Variants in REEP6 observed in about 807,000 individuals in gnomAD.
The protein encoded by REEP6 is receptor accessory protein 6.
In REEP6, 19 loss-of-function variants were observed where a neutral mutation model predicts 22.4. The observed-to-expected ratio is 0.85, with a 90% CI of 0.59 to 1.25. The LOEUF (loss-of-function observed/expected upper bound fraction) is 1.25, where lower values mean the gene tolerates loss of function less well. REEP6 is among the 50% of genes most tolerant of loss of function. The pLI is 0.00. For synonymous variants in REEP6, 121 were observed against 113.6 expected, an observed-to-expected ratio of 1.06 and a Z score of -0.41; for missense variants, 273 against 251.9, an observed-to-expected ratio of 1.08 and a Z score of -0.57.
intron 1 of REEP6, among the ~76,000 whole-genome samples, chr19:1,492,283 T>G (rs2084964551): frequency 6.6e-6 from 1 of 151,774 alleles, no homozygotes; most frequent in East Asian, 1.9e-4. Flanking sequence ...CCCGGCTAAC[T>G]TTTGTATTTT....
Position 1,491,181 on chromosome 19 carries a change from A to G in REEP6, c.-89A>G, listed in dbSNP as rs908589818. 12 of 919,792 alleles carry G rather than the reference A, an allele frequency of 1.3e-5. No individual in the cohort carries two copies. Among genetic ancestry groups the G allele is most frequent in the Middle Eastern group, 6.1e-4 (2 of 3,262 alleles). The allele number at this position is 919,792 out of a possible 1,614,324, so 57.0% of individuals were successfully genotyped here. A position where few individuals can be genotyped will look rare whatever the true frequency, so the allele number is the denominator to read the frequency against. ...GCGCGGGGCCGGAGCATCGCGGCTCAGGCTGCGGGAAAGCGGTGCGCGTGC... is the reference window on the plus strand; with the variant it reads ...GCGCGGGGCCGGAGCATCGCGGCTCGGGCTGCGGGAAAGCGGTGCGCGTGC... On this transcript the variant is annotated 5_prime_UTR_variant, in exon 1 of 5. Transcript: ENST00000233596. The surrounding 1 kb of genome is among the most constrained non-coding windows in gnomAD (Gnocchi z 5.4).
Position 1,497,756 on chromosome 19 carries a change from A to T in REEP6, c.*545A>T. ...CGAAACAGCCTGCCAGCAGCGCCTC[A>T]GTGCCCGAGCTGGTCCCCTGCCATT... On this transcript the variant is annotated 3_prime_UTR_variant, in exon 5 of 5. Transcript: ENST00000233596. This position sits in a 1 kb window ranked among gnomAD's most constrained non-coding sequence, Gnocchi z 6.5. 2.1e-6 allele frequency: 1 copy of T among 470,804 alleles called. No homozygotes were observed. The highest frequency in any genetic ancestry group is 1.5e-5 in the South Asian group (1 of 64,560). 29.2% of individuals were successfully genotyped at this position (470,804 alleles called of 1,614,324 possible).
chr19:1,494,596 C>T (rs1416791385), intron 1 of REEP6, among the ~76,000 whole-genome samples: 1 of 152,236 alleles, frequency 6.6e-6, no homozygotes, highest in Non-Finnish European at 1.5e-5. Context: ...ACAGCCTGGC[C>T]TCCCTTGCAG....
Position 1,493,708 on chromosome 19 carries a change from G to GACACACACGCACACACACACACACACAC in REEP6, c.116-1578_116-1577insGCACACACACACACACACACACACACAC, listed in dbSNP as rs1555690910. On this transcript the variant is annotated intron_variant, in intron 1 of 4. Transcript: ENST00000233596. Reference sequence around the variant, plus strand: ...CAGGTTCAGGATTGGGGCTGAGCTGGACACACACACACACACACACACACG... The same window carrying GACACACACGCACACACACACACACACAC: ...CAGGTTCAGGATTGGGGCTGAGCTGGACACACACGCACACACACACACACACACACACACACACACACACACACACACG... Among the ~76,000 whole-genome samples the GACACACACGCACACACACACACACACAC allele has an allele frequency of 5.0e-5, 7 of 140,666 alleles. 1 individual carries two copies. Among genetic ancestry groups the GACACACACGCACACACACACACACACAC allele is most frequent in the South Asian group, 2.4e-4 (1 of 4,176 alleles). 92.3% of individuals were successfully genotyped at this position (140,666 alleles called of 152,430 possible).
At chr19:1,494,314 C>T (rs1406547936) in intron 1 of REEP6, among the ~76,000 whole-genome samples, 1 of 152,092 alleles carries the variant, frequency 6.6e-6, no homozygotes, top group Admixed American at 6.5e-5. Flanking sequence ...AAGGGGGTAG[C>T]CCTGCCCCCC....
chr19:1,496,383 G>C lies in REEP6; in HGVS notation c.447G>C (p.Gly149=). The C allele has an allele frequency of 6.2e-7, 1 of 1,613,218 alleles. No individual in the cohort carries two copies. Among genetic ancestry groups the C allele is most frequent in the Middle Eastern group, 1.7e-4 (1 of 6,060 alleles). ...VVRPLFLRHH[G]AVDRIMNDLS... ...GTCCGCTGTTCCTAAGGCACCACGG[G>C]GCCGTAGACAGAATCATGAACGACC... The change falls in exon 4 of 5, where the codon GGG becomes GGC. Residue 149 remains glycine (G), a synonymous_variant. Transcript: ENST00000233596.
chr19:1,496,470 G>A lies in REEP6; in HGVS notation c.517+17G>A, dbSNP rs566385351. ...CCAGGAACGGTGGGTGCTCGCAGGC[G>A]CCTGGCTGCCTCAGGCCATCTCCCG... On this transcript the variant is annotated intron_variant, in intron 4 of 4. Transcript: ENST00000233596. 2.4e-5 allele frequency: 38 copies of A among 1,606,040 alleles called. No homozygotes were observed. In the Admixed American group the frequency reaches 4.0e-4, roughly 17 times the overall value.
rs529651864 is a variant in REEP6 at position 1,496,608 on chromosome 19, C to T, written c.517+155C>T. 95 of 1,007,172 alleles carry T rather than the reference C, an allele frequency of 9.4e-5. No homozygotes were observed. The highest frequency in any genetic ancestry group is 2.9e-4 in the South Asian group (21 of 72,926). The allele number at this position is 1,007,172 out of a possible 1,614,324, so 62.4% of individuals were successfully genotyped here. On this transcript the variant is annotated intron_variant, in intron 4 of 4. Coordinates refer to ENST00000233596, the MANE Select transcript of REEP6 (RefSeq NM_138393.4). ...GGAACCAGTCTTGCAGGTCCTGGCCCGTAGCCGGGCAGGCATCACCCCGGT... is the reference window on the plus strand; with the variant it reads ...GGAACCAGTCTTGCAGGTCCTGGCCTGTAGCCGGGCAGGCATCACCCCGGT...
chr19:1,495,670 G>A lies in REEP6; in HGVS notation c.348+63G>A, dbSNP rs184789202. The A allele has an allele frequency of 8.1e-6, 13 of 1,601,954 alleles. No individual in the cohort carries two copies. In the Admixed American group the frequency reaches 8.4e-5, roughly 10 times the overall value. Reference sequence around the variant, plus strand: ...TGGGGCTTGGGGATTCCTGGGAGGCGCTGGGGCCAGAAAGTCCGGAGGATA... The same window carrying A: ...TGGGGCTTGGGGATTCCTGGGAGGCACTGGGGCCAGAAAGTCCGGAGGATA... On this transcript the variant is annotated intron_variant, in intron 3 of 4. Transcript: ENST00000233596.
intron 1 of REEP6, among the ~76,000 whole-genome samples, chr19:1,493,694 T>C (rs996205108): frequency 2.0e-4 from 3 of 14,862 alleles, no homozygotes; most frequent in African/African-American, 5.1e-4. Flanking sequence ...AGGTTCAGGA[T>C]TGGGGCTGAG....
At chr19:1,493,391 CT>C (rs1450083043) in intron 1 of REEP6, among the ~76,000 whole-genome samples, 1 of 152,138 alleles carries the variant, frequency 6.6e-6, no homozygotes, top group Non-Finnish European at 1.5e-5. Context: ...CCTCCTACCC[CT>C]GACCTTGGGT....
intron 1 of REEP6, among the ~76,000 whole-genome samples, chr19:1,494,613 G>C (rs990092801): frequency 1.3e-5 from 2 of 152,170 alleles, no homozygotes; most frequent in Non-Finnish European, 2.9e-5. Context: ...GCAGGTTTCT[G>C]CCATCCCTTA....
At chr19:1,495,215 G>T in intron 1 of REEP6, 79 bp from the exon 2 acceptor site, 1 of 1,409,742 alleles carries the variant, frequency 7.1e-7, no homozygotes, top group South Asian at 1.2e-5. Flanking sequence ...AGTCTTCGTC[G>T]ACTGAAAGGC....
In REEP6 at chr19:1,496,294, C is replaced by A; in HGVS notation, c.358C>A (p.Leu120Met). 2 of 1,608,202 alleles carry A rather than the reference C, an allele frequency of 1.2e-6. No individual in the cohort carries two copies. The highest frequency in any genetic ancestry group is 2.2e-5 in the South Asian group (2 of 91,016). Residue 120 changes from leucine (L) to methionine (M), a missense_variant, in exon 4 of 5, where the codon CTG (leucine) becomes ATG (methionine). Leu to Met is a conservative substitution (Grantham distance 15, BLOSUM62 2). Coordinates refer to ENST00000233596, the MANE Select transcript of REEP6 (RefSeq NM_138393.4). ...PFYYVGKCAF[L>M]LFCMAPRPWN... Reference sequence around the variant, plus strand: ...CTGCCCCGCCCTGCAGTGCGCCTTCCTGTTGTTCTGCATGGCTCCCAGGCC... The same window carrying A: ...CTGCCCCGCCCTGCAGTGCGCCTTCATGTTGTTCTGCATGGCTCCCAGGCC...
chr19:1,496,543 C>T (rs769307102), intron 4 of REEP6, 90 bp downstream of exon 4: 16 of 1,436,972 alleles, frequency 1.1e-5, no homozygotes, highest in African/African-American at 5.7e-5. Context: ...TGACTTTGGC[C>T]GCCCCCTCTC....
chr19:1,496,700 C>CTGTGTG lies in REEP6; in HGVS notation c.517+260_517+265dup, dbSNP rs112644489. The CTGTGTG allele has an allele frequency of 3.2e-4, 210 of 659,428 alleles. No homozygotes were observed. In the African/African-American group the frequency reaches 3.2e-3, roughly 10 times the overall value. The allele number at this position is 659,428 out of a possible 1,614,324, so 40.8% of individuals were successfully genotyped here. A position where few individuals can be genotyped will look rare whatever the true frequency, so the allele number is the denominator to read the frequency against. ...CGTAACCGCTGTGGGGAGATAGGAG[C>CTGTGTG]TGTGTGTGTGTGTGTGTGCGCGCGC... is the stretch of plus-strand genomic sequence containing the variant. On this transcript the variant is annotated intron_variant, in intron 4 of 4. Transcript: ENST00000233596.
At position 1,497,070 on chromosome 19, in the gene REEP6, G is replaced by A. The variant is rs1482895517; in HGVS notation, c.518-104G>A. On this transcript the variant is annotated intron_variant, in intron 4 of 4. Coordinates refer to ENST00000233596, the MANE Select transcript of REEP6 (RefSeq NM_138393.4). The surrounding 1 kb of genome is among the most constrained non-coding windows in gnomAD (Gnocchi z 6.5). ...GCTGAGGGTGGCTGCCCGGCCCCTC[G>A]ACTTGTCATGCTCATAGCCAGTAGC... is the stretch of plus-strand genomic sequence containing the variant. 2 of 993,598 alleles carry A rather than the reference G, an allele frequency of 2.0e-6. No homozygotes were observed. The highest frequency in any genetic ancestry group is 2.9e-6 in the Non-Finnish European group (2 of 696,796). 61.5% of individuals were successfully genotyped at this position (993,598 alleles called of 1,614,324 possible).
At position 1,497,144 on chromosome 19, in the gene REEP6, G is replaced by GGCCGCCCCCCC; in HGVS notation, c.518-30_518-29insGCCGCCCCCCC. On this transcript the variant is annotated intron_variant, in intron 4 of 4. Transcript: ENST00000233596. This position sits in a 1 kb window ranked among gnomAD's most constrained non-coding sequence, Gnocchi z 6.5. ...CCGGGGAGCCCAGGCCTGCCTCACG[G>GGCCGCCCCCCC]CCCTCCCCCACCCGCCCCTCTCTCT... 2 of 1,328,126 alleles carry GGCCGCCCCCCC rather than the reference G, an allele frequency of 1.5e-6. No individual in the cohort carries two copies. The highest frequency in any genetic ancestry group is 2.0e-6 in the Non-Finnish European group (2 of 992,336). 82.3% of individuals were successfully genotyped at this position (1,328,126 alleles called of 1,614,324 possible).
At position 1,497,542 on chromosome 19, in the gene REEP6, C is replaced by A; in HGVS notation, c.*331C>A. 1.6e-6 allele frequency: 1 copy of A among 622,174 alleles called. No individual in the cohort carries two copies. The highest frequency in any genetic ancestry group is 1.5e-5 in the South Asian group (1 of 65,930). 38.5% of individuals were successfully genotyped at this position (622,174 alleles called of 1,614,324 possible). A position where few individuals can be genotyped will look rare whatever the true frequency, so the allele number is the denominator to read the frequency against. On this transcript the variant is annotated 3_prime_UTR_variant, in exon 5 of 5. Coordinates refer to ENST00000233596, the MANE Select transcript of REEP6 (RefSeq NM_138393.4). This position sits in a 1 kb window ranked among gnomAD's most constrained non-coding sequence, Gnocchi z 6.5. Reference sequence around the variant, plus strand: ...CACACCCAGCCGCCTGGTACTTCCTCCAGCCCCTCCCAGTCAGCCCTCCCG... The same window carrying A: ...CACACCCAGCCGCCTGGTACTTCCTACAGCCCCTCCCAGTCAGCCCTCCCG...
Sources: allele counts gnomAD v4.1 joint callset (sites outside exome capture counted in the v4.1 genomes callset), GRCh38; gene constraint gnomAD v4.1.1; non-coding constraint Gnocchi (gnomAD v3.1); transcripts MANE v1.5; gene names NCBI Gene and HGNC (gene_info 2026-07-23, HGNC 2026-07-21).